The following ANO4 variants were observed in gnomAD, a reference collection of about 807,000 sequenced individuals.
The protein encoded by ANO4 is anoctamin 4.
A neutral mutation model predicts 141.9 loss-of-function variants in ANO4; 69 were observed. That is an observed-to-expected ratio of 0.49 (90% CI 0.40 to 0.59). The LOEUF (loss-of-function observed/expected upper bound fraction) is 0.59, where lower values mean the gene tolerates loss of function less well. Among genes scored for constraint, ANO4 ranks in the 20% least tolerant of loss-of-function variants. ANO4 has a pLI of 0.00. For missense variants in ANO4, 894 were observed against 1,162.2 expected (o/e 0.77, Z 3.36); for synonymous variants, 350 against 394.3 (o/e 0.89, Z 1.33).
intron 1 of ANO4, among the ~76,000 whole-genome samples, chr12:100,868,101 T>C (rs759487952): frequency 1.3e-5 from 2 of 152,120 alleles, no homozygotes; most frequent in African/African-American, 2.4e-5. Context: ...AGAGAGCAAC[T>C]TAAGTCTAGA....
intron 14 of ANO4, among the ~76,000 whole-genome samples, chr12:101,061,807 C>T (rs577958011): frequency 1.7e-4 from 26 of 151,988 alleles, no homozygotes; most frequent in Admixed American, 5.2e-4. Context: ...TCTTAGCTTC[C>T]TTGCATTGGG....
intron 1 of ANO4, among the ~76,000 whole-genome samples, chr12:100,861,769 C>T (rs1051118923): frequency 6.6e-6 from 1 of 152,222 alleles, no homozygotes; most frequent in Non-Finnish European, 1.5e-5. Context: ...CTTAAACACA[C>T]ATTGCACAGG....
At chr12:101,116,216 G>C (rs1050240346) in intron 24 of ANO4, among the ~76,000 whole-genome samples, 1 of 152,160 alleles carries the variant, frequency 6.6e-6, no homozygotes, top group African/African-American at 2.4e-5. Flanking sequence ...AGCTTTCAGG[G>C]AATATAGTCT....
intron 15 of ANO4, 115 bp from the exon 16 acceptor site, chr12:101,083,563 G>T: frequency 7.7e-7 from 1 of 1,297,616 alleles, no homozygotes; most frequent in South Asian, 1.5e-5. Context: ...TTCATTGGTT[G>T]ACTAATTAGT....
rs2041539105 is a variant in ANO4 at position 100,919,738 on chromosome 12, A to ATCTATCTATCTATCTG, written c.56-2473_56-2472insGTCTATCTATCTATCT. Among the ~76,000 whole-genome samples, 422 of 105,670 alleles carry ATCTATCTATCTATCTG rather than the reference A, an allele frequency of 4.0e-3. 4 individuals are homozygous for ATCTATCTATCTATCTG. The highest frequency in any genetic ancestry group is 7.2e-3 in the Admixed American group (84 of 11,608). The allele number at this position is 105,670 out of a possible 152,430, so 69.3% of individuals were successfully genotyped here. On this transcript the variant is annotated intron_variant, in intron 2 of 27. Coordinates refer to ENST00000392977, the MANE Select transcript of ANO4 (RefSeq NM_001286615.2). The stretch of plus-strand genomic sequence containing the variant: ...TATGTATGTATGTGTGTATGTATGT[A>ATCTATCTATCTATCTG]TCTATCTATCTATCTATCTATCTAT...
chr12:101,066,654 C>A, intron 14 of ANO4: 1 of 584,262 alleles, frequency 1.7e-6, no homozygotes, highest in South Asian at 2.1e-5. Flanking sequence ...GCTTTGCGTC[C>A]CCATCATGGC....
At chr12:101,027,373 T>G (rs948814459) in intron 9 of ANO4, among the ~76,000 whole-genome samples, 2 of 152,138 alleles carry the variant, frequency 1.3e-5, no homozygotes, top group East Asian at 1.9e-4. Context: ...GTGCCACAGC[T>G]GCTGCTGCCT....
In ANO4 at chr12:100,944,149, A is replaced by G. The variant is rs71464247; in HGVS notation, c.456+1614A>G. On this transcript the variant is annotated intron_variant, in intron 5 of 27. Transcript: ENST00000392977. ...TCGTGATTTATTCGTTAGAACTTAAAAAGCCTAATGCTTTTCCAAATAGCG... is the reference window on the plus strand; with the variant it reads ...TCGTGATTTATTCGTTAGAACTTAAGAAGCCTAATGCTTTTCCAAATAGCG... 4.6e-3 allele frequency among the ~76,000 whole-genome samples: 698 copies of G among 152,324 alleles called. 3 individuals carry two copies. The highest frequency in any genetic ancestry group is 0.017 in the Middle Eastern group (5 of 294).
At chr12:101,001,164 T>C (rs886978076) in intron 8 of ANO4, among the ~76,000 whole-genome samples, 4 of 152,068 alleles carry the variant, frequency 2.6e-5, no homozygotes, top group Non-Finnish European at 5.9e-5. Flanking sequence ...AAAACACCTA[T>C]AGGAAAGGGA....
intron 2 of ANO4, among the ~76,000 whole-genome samples, chr12:100,919,834 C>T (rs562460642): frequency 1.3e-4 from 20 of 151,836 alleles, no homozygotes; most frequent in South Asian, 8.3e-4. Context: ...TCATTATAAA[C>T]GAGCATTTTC....
chr12:101,066,964 C>A, intron 14 of ANO4: 13 of 627,830 alleles, frequency 2.1e-5, no homozygotes, highest in East Asian at 1.3e-4. Context: ...GACTACATGA[C>A]ACTCTTCATG....
chr12:100,998,761 G>A (rs2045506450), intron 8 of ANO4, among the ~76,000 whole-genome samples: 1 of 152,142 alleles, frequency 6.6e-6, no homozygotes, highest in Non-Finnish European at 1.5e-5. Context: ...GGAAACTCAG[G>A]TTGTCAATAT....
intron 8 of ANO4, among the ~76,000 whole-genome samples, chr12:101,011,317 T>TA (rs1555275732): frequency 1.1e-5 from 1 of 88,080 alleles, no homozygotes; most frequent in Non-Finnish European, 2.3e-5. Flanking sequence ...TGGCCTTTTT[T>TA]CTTTTTTTTT....
chr12:100,820,258 T>A (rs2035966842), intron 1 of ANO4, among the ~76,000 whole-genome samples: 2 of 151,586 alleles, frequency 1.3e-5, no homozygotes, highest in South Asian at 4.1e-4. Context: ...AAAATCTTAC[T>A]CCATTTTATT....
At chr12:100,969,417 A>C (rs1020998264) in intron 5 of ANO4, among the ~76,000 whole-genome samples, 3 of 152,132 alleles carry the variant, frequency 2.0e-5, no homozygotes, top group African/African-American at 7.2e-5. Flanking sequence ...TGGCCTTCCT[A>C]CCCTTAGGAA....
intron 5 of ANO4, among the ~76,000 whole-genome samples, chr12:100,958,925 A>G (rs2043286995): frequency 6.6e-6 from 1 of 152,182 alleles, no homozygotes; most frequent in Admixed American, 6.5e-5. Flanking sequence ...TGTGGGTATG[A>G]GAGCACTAAG....
At chr12:100,806,547 T>TG (rs1565891385) in intron 1 of ANO4, among the ~76,000 whole-genome samples, 1 of 59,812 alleles carries the variant, frequency 1.7e-5, no homozygotes, top group African/African-American at 8.5e-5. Flanking sequence ...TTTTTTTTTT[T>TG]TTTTTTTTTT....
intron 1 of ANO4, among the ~76,000 whole-genome samples, chr12:100,858,457 A>G (rs1229789616): frequency 6.6e-6 from 1 of 152,090 alleles, no homozygotes; most frequent in East Asian, 1.9e-4. Flanking sequence ...CCAAATAGAG[A>G]AGATTGGCAA....
intron 1 of ANO4, among the ~76,000 whole-genome samples, chr12:100,829,910 T>G (rs2036549526): frequency 6.6e-6 from 1 of 152,068 alleles, no homozygotes; most frequent in Non-Finnish European, 1.5e-5. Context: ...GTCTCAGAGG[T>G]CACGTGTTCA....
Sources: allele counts gnomAD v4.1 joint callset (sites outside exome capture counted in the v4.1 genomes callset), GRCh38; gene constraint gnomAD v4.1.1; transcripts MANE v1.5; gene names NCBI Gene and HGNC (gene_info 2026-07-23, HGNC 2026-07-21).